The following PEX5L variants were observed in gnomAD, a reference collection of about 807,000 sequenced individuals.
The protein encoded by PEX5L is PEX5-related protein.
A neutral mutation model predicts 84.0 loss-of-function variants in PEX5L; 30 were observed. The ratio of observed to expected loss-of-function variants is 0.36; its 90% CI spans 0.27 to 0.48. The LOEUF is 0.48. Among genes scored for constraint, PEX5L ranks in the 20% least tolerant of loss-of-function variants. The pLI, the probability that PEX5L is intolerant of heterozygous loss-of-function variation, is 0.99. For synonymous variants in PEX5L, 270 were observed against 283.1 expected, an observed-to-expected ratio of 0.95 and a Z score of 0.46; for missense variants, 533 against 754.6, an observed-to-expected ratio of 0.71 and a Z score of 3.44.
intron 8 of PEX5L, among the ~76,000 whole-genome samples, chr3:179,854,329 A>G (rs1743083478): frequency 6.6e-6 from 1 of 152,048 alleles, no homozygotes; most frequent in Non-Finnish European, 1.5e-5. Context: ...TTTCTCCAAC[A>G]GTGGATAATG....
intron 2 of PEX5L, among the ~76,000 whole-genome samples, chr3:179,966,737 G>A (rs147640284): frequency 5.0e-4 from 76 of 152,288 alleles, no homozygotes; most frequent in African/African-American, 1.7e-3. Flanking sequence ...ACAAGGGTGA[G>A]GTTATAATTT....
chr3:179,865,701 G>C (rs1476198660), intron 7 of PEX5L, among the ~76,000 whole-genome samples: 1 of 152,098 alleles, frequency 6.6e-6, no homozygotes, highest in Non-Finnish European at 1.5e-5. Context: ...CTAAACCTTT[G>C]TGGGCACTGG....
chr3:179,985,220 T>C (rs1168408645), intron 1 of PEX5L, among the ~76,000 whole-genome samples: 3 of 152,194 alleles, frequency 2.0e-5, no homozygotes, highest in Non-Finnish European at 4.4e-5. Flanking sequence ...TAATATATAA[T>C]GGTCTCTGTT....
chr3:179,973,442 C>A (rs924112437), intron 1 of PEX5L: 15 of 1,122,616 alleles, frequency 1.3e-5, no homozygotes, highest in Non-Finnish European at 1.7e-5. Flanking sequence ...ATGAAAATTT[C>A]TTTTTCTAAC....
intron 1 of PEX5L, among the ~76,000 whole-genome samples, chr3:180,009,262 T>A (rs1579327824): frequency 6.6e-6 from 1 of 152,196 alleles, no homozygotes; most frequent in African/African-American, 2.4e-5. Context: ...TCAGATCACA[T>A]TCCTTAACTT....
At chr3:179,917,691 A>G (rs191060384) in intron 2 of PEX5L, among the ~76,000 whole-genome samples, 135 of 151,862 alleles carry the variant, frequency 8.9e-4, no homozygotes, top group Non-Finnish European at 4.7e-4. Context: ...GCTTTTTGAG[A>G]CGGAGTTGCC....
At chr3:179,938,534 T>C (rs1775220539) in intron 2 of PEX5L, among the ~76,000 whole-genome samples, 1 of 152,238 alleles carries the variant, frequency 6.6e-6, no homozygotes, top group Non-Finnish European at 1.5e-5. Flanking sequence ...TTAACAAAAC[T>C]GTCTGCATCC....
At chr3:179,939,664 T>C (rs191180629) in intron 2 of PEX5L, among the ~76,000 whole-genome samples, 16 of 152,276 alleles carry the variant, frequency 1.1e-4, no homozygotes, top group Non-Finnish European at 1.9e-4. Flanking sequence ...GATTTGCCAA[T>C]TCACATTCCT....
At chr3:180,013,271 T>G (rs1245710468) in intron 1 of PEX5L, among the ~76,000 whole-genome samples, 2 of 152,224 alleles carry the variant, frequency 1.3e-5, no homozygotes, top group African/African-American at 2.4e-5. Context: ...TAAGTCTTCA[T>G]GTGTGTGCAC....
intron 1 of PEX5L, among the ~76,000 whole-genome samples, chr3:180,005,351 C>T (rs1027165506): frequency 9.2e-5 from 14 of 152,224 alleles, no homozygotes; most frequent in Admixed American, 7.8e-4. Flanking sequence ...GCCTCAAAAT[C>T]CTGTGCTCAA....
At chr3:179,811,986 G>A (rs1296881153) in intron 10 of PEX5L, 115 bp from the exon 11 acceptor site, 1 of 794,918 alleles carries the variant, frequency 1.3e-6, no homozygotes, top group African/African-American at 1.7e-5. Context: ...TCTCATATGT[G>A]AGCGCTATAT....
At chr3:179,874,731 T>TC (rs1560488192) in intron 6 of PEX5L, among the ~76,000 whole-genome samples, 1 of 60,194 alleles carries the variant, frequency 1.7e-5, no homozygotes, top group African/African-American at 5.5e-5. Context: ...TTATGGTTTT[T>TC]TTTTTTGTTT....
At chr3:179,865,562 A>G (rs1429329692) in intron 7 of PEX5L, among the ~76,000 whole-genome samples, 1 of 151,796 alleles carries the variant, frequency 6.6e-6, no homozygotes, top group African/African-American at 2.4e-5. Context: ...GGATATATAC[A>G]TATATACAAA....
chr3:179,865,618 G>A (rs1021311108), intron 7 of PEX5L, among the ~76,000 whole-genome samples: 1 of 151,824 alleles, frequency 6.6e-6, no homozygotes, highest in Non-Finnish European at 1.5e-5. Flanking sequence ...TTACATAAAG[G>A]TATGGTAAAC....
chr3:179,890,969 T>A (rs866701289), intron 3 of PEX5L, among the ~76,000 whole-genome samples: 18 of 104,872 alleles, frequency 1.7e-4, no homozygotes, highest in South Asian at 9.3e-4. Context: ...GTAAAAAAAT[T>A]TTTTTTTTTT....
At chr3:179,807,478 A>C (rs1015983666) in intron 14 of PEX5L, among the ~76,000 whole-genome samples, 196 bp downstream of exon 14, 4 of 152,202 alleles carry the variant, frequency 2.6e-5, no homozygotes, top group African/African-American at 7.2e-5. Context: ...GCTGCTCTCT[A>C]AAGATTGAGA....
intron 8 of PEX5L, among the ~76,000 whole-genome samples, chr3:179,837,593 T>C (rs1385369016): frequency 6.6e-6 from 1 of 152,206 alleles, no homozygotes; most frequent in Non-Finnish European, 1.5e-5. Context: ...CAACATCCCT[T>C]ACATAACTGT....
intron 2 of PEX5L, among the ~76,000 whole-genome samples, chr3:179,930,208 A>G (rs1772650534): frequency 6.6e-6 from 1 of 151,474 alleles, no homozygotes. Flanking sequence ...TAACTGCACT[A>G]GGTCATAAAA....
intron 2 of PEX5L, among the ~76,000 whole-genome samples, chr3:179,940,598 T>C (rs561687264): frequency 6.6e-6 from 1 of 152,246 alleles, no homozygotes; most frequent in South Asian, 2.1e-4. Flanking sequence ...CATGTGGGGC[T>C]CCAGTTATAT....
Sources: gnomAD v4.1 joint callset for allele counts (sites outside exome capture counted in the v4.1 genomes callset) on GRCh38, gnomAD v4.1.1 for gene constraint, MANE v1.5 for transcripts, NCBI Gene and HGNC (gene_info 2026-07-23, HGNC 2026-07-21) for gene names.